The following HS1BP3 variants were observed in gnomAD, a reference collection of about 807,000 sequenced individuals.
HS1BP3 encodes HCLS1 binding protein 3, also known as HCLS1-binding protein 3.
A neutral mutation model predicts 33.5 loss-of-function variants in HS1BP3; 32 were observed. The ratio of observed to expected loss-of-function variants is 0.95; its 90% CI spans 0.72 to 1.28. HS1BP3 has a LOEUF of 1.28. Among genes scored for constraint, HS1BP3 ranks in the 50% most tolerant of loss-of-function variants. The probability of loss-of-function intolerance (pLI) is 0.00; values close to 1 mark genes in which losing one functional copy is unlikely to be tolerated. For missense variants in HS1BP3, 486 were observed against 502.3 expected (o/e 0.97, Z 0.31); for synonymous variants, 187 against 209.2 (o/e 0.89, Z 0.92).
At chr2:20,555,343 C>A in the HS1BP3 span, among the ~76,000 whole-genome samples, 1 of 152,096 alleles carries the variant, frequency 6.6e-6, no homozygotes, top group Admixed American at 6.5e-5. Context: ...TTTTTGGGGC[C>A]CAGGGCAGAA....
At chr2:20,606,161 G>A (rs940030930) in intron 2 of HS1BP3, 6 of 181,092 alleles carry the variant, frequency 3.3e-5, no homozygotes, top group African/African-American at 1.4e-4. Context: ...GATTTAAGTG[G>A]GTATCTCATT....
intron 4 of HS1BP3, among the ~76,000 whole-genome samples, chr2:20,633,721 C>G (rs1342723513): frequency 1.3e-5 from 2 of 152,192 alleles, no homozygotes; most frequent in Admixed American, 6.5e-5. Flanking sequence ...CAGGGTTTCA[C>G]CATGTTGACC....
chr2:20,569,486 GA>G (rs58602563), intron 5 of HS1BP3, among the ~76,000 whole-genome samples: 3,640 of 152,314 alleles, frequency 0.024, 104 homozygotes, highest in African/African-American at 0.075. Flanking sequence ...TTGAGTTTTA[GA>G]TGAACAACAA....
intron 4 of HS1BP3, 119 bp downstream of exon 4, chr2:20,638,317 C>T: frequency 2.1e-6 from 2 of 948,818 alleles, no homozygotes; most frequent in Admixed American, 5.1e-5. Flanking sequence ...TGGCCCAGAT[C>T]CCTGCGAGGG....
intron 5 of HS1BP3, among the ~76,000 whole-genome samples, chr2:20,579,070 C>A (rs566876913): frequency 6.6e-6 from 1 of 152,346 alleles, no homozygotes; most frequent in Non-Finnish European, 1.5e-5. Context: ...TCAGGTCAGT[C>A]CTCCCTGGGG....
At chr2:20,608,964 G>A (rs1694258562) in intron 2 of HS1BP3, among the ~76,000 whole-genome samples, 1 of 152,206 alleles carries the variant, frequency 6.6e-6, no homozygotes, top group South Asian at 2.1e-4. Context: ...TAAATGCTGA[G>A]GTCCTGAAAA....
At chr2:20,642,386 G>T (rs1695380792) in intron 2 of HS1BP3, among the ~76,000 whole-genome samples, 1 of 152,122 alleles carries the variant, frequency 6.6e-6, no homozygotes. Flanking sequence ...AACCTCCAGT[G>T]GGGAGTCACC....
intron 5 of HS1BP3, among the ~76,000 whole-genome samples, chr2:20,562,653 G>A (rs1159552432): frequency 6.6e-6 from 1 of 152,192 alleles, no homozygotes; most frequent in Non-Finnish European, 1.5e-5. Context: ...AGGCTTGCAC[G>A]ATTGGCCTCT....
Position 20,609,393 on chromosome 2 carries a change from C to T in HS1BP3, c.179-11128G>A, listed in dbSNP as rs187722258. On this transcript the variant is annotated intron_variant, in intron 2 of 3. Coordinates refer to the HS1BP3 transcript ENST00000415264. ...CCACTTCAAAGCCGTTCCAGGGGCC[C>T]GGGGGGACCTCTGAGCTCTCCTCCA... Among the ~76,000 whole-genome samples, 1,157 of 152,292 alleles carry T rather than the reference C, an allele frequency of 7.6e-3. 11 individuals carry two copies. The highest frequency in any genetic ancestry group is 0.027 in the African/African-American group (1,113 of 41,550).
At chr2:20,648,691 C>A (rs1332044647) in intron 1 of HS1BP3, among the ~76,000 whole-genome samples, 1 of 152,208 alleles carries the variant, frequency 6.6e-6, no homozygotes, top group Non-Finnish European at 1.5e-5. Flanking sequence ...CATTTCCGAG[C>A]CAATGGCTCC....
At chr2:20,589,412 G>A (rs113081271), downstream of HS1BP3, among the ~76,000 whole-genome samples, 233 of 152,260 alleles carry the variant, frequency 1.5e-3, no homozygotes, top group African/African-American at 5.4e-3. Flanking sequence ...AGCTTTCCTG[G>A]GGCTCTTCAC....
chr2:20,589,957 C>G (rs147935801), downstream of HS1BP3, among the ~76,000 whole-genome samples: 434 of 152,230 alleles, frequency 2.9e-3, no homozygotes, highest in African/African-American at 9.8e-3. Flanking sequence ...ACCAATGGGT[C>G]CCAGCAGCTC....
At chr2:20,602,596 C>T (rs536197333) in intron 2 of HS1BP3, among the ~76,000 whole-genome samples, 1 of 151,744 alleles carries the variant, frequency 6.6e-6, no homozygotes, top group East Asian at 2.0e-4. Context: ...TATGATTGCT[C>T]ATTTTGTATA....
intron 2 of HS1BP3, among the ~76,000 whole-genome samples, chr2:20,604,528 C>T (rs574231977): frequency 6.6e-6 from 1 of 152,294 alleles, no homozygotes; most frequent in African/African-American, 2.4e-5. Flanking sequence ...AGGACATGTC[C>T]TGAGCCACTC....
In HS1BP3 at chr2:20,598,938, T is replaced by C. The variant is rs373278125; in HGVS notation, c.179-673A>G. On this transcript the variant is annotated intron_variant, in intron 2 of 3. Transcript: ENST00000415264. Reference sequence around the variant, plus strand: ...CTTTCTTCTCCAGGGAGTACTGAGATGGTCAGCTGAGCTTCTCCCTGACAA... The same window carrying C: ...CTTTCTTCTCCAGGGAGTACTGAGACGGTCAGCTGAGCTTCTCCCTGACAA... Among the ~76,000 whole-genome samples, 67 of 152,184 alleles carry C rather than the reference T, an allele frequency of 4.4e-4. 1 individual carries two copies. The highest frequency in any genetic ancestry group is 1.6e-3 in the African/African-American group (65 of 41,532).
intron 3 of HS1BP3, 83 bp downstream of exon 3, chr2:20,640,890 G>T: frequency 1.5e-6 from 2 of 1,357,446 alleles, no homozygotes; most frequent in Non-Finnish European, 2.1e-6. Context: ...GGCAGCTGTG[G>T]ACATGCTCCC....
At chr2:20,638,983 C>T (rs1416088842) in intron 3 of HS1BP3, among the ~76,000 whole-genome samples, 6 of 152,210 alleles carry the variant, frequency 3.9e-5, no homozygotes, top group Non-Finnish European at 7.3e-5. Flanking sequence ...AGCCTGTGTG[C>T]GCCGCAGGGA....
chr2:20,645,300 G>A (rs758648076), intron 2 of HS1BP3, 40 bp downstream of exon 2: 29 of 1,593,252 alleles, frequency 1.8e-5, no homozygotes, highest in Admixed American at 6.9e-5. Context: ...CCCGGACCCC[G>A]GGCACCCTCG....
At chr2:20,637,578 A>G (rs61227046) in intron 4 of HS1BP3, 11,380 of 152,330 alleles carry the variant, frequency 0.075, 422 homozygotes, top group Admixed American at 0.11. Context: ...CGCTGGTCTC[A>G]TGGCCACCCT....
Sources: allele counts gnomAD v4.1 joint callset (sites outside exome capture counted in the v4.1 genomes callset), GRCh38; gene constraint gnomAD v4.1.1; transcripts MANE v1.5; gene names NCBI Gene and HGNC (gene_info 2026-07-23, HGNC 2026-07-21).